OCA2: variants seen among roughly 807,000 people sequenced by gnomAD.
OCA2 encodes OCA2 melanosomal transmembrane protein, also known as P protein.
In OCA2, 77 loss-of-function variants were observed where a neutral mutation model predicts 100.2. The observed-to-expected ratio is 0.77, with a 90% confidence interval of 0.64 to 0.93. The LOEUF is 0.93. OCA2 is among the 40% of genes least tolerant of loss of function. The pLI is 0.00. For missense variants in OCA2, 1,062 were observed against 1,089.1 expected (o/e 0.98, Z 0.35); for synonymous variants, 432 against 439.2 (o/e 0.98, Z 0.21).
At chr15:27,866,296 C>G (rs147471836) in intron 21 of OCA2, among the ~76,000 whole-genome samples, 4 of 152,272 alleles carry the variant, frequency 2.6e-5, no homozygotes, top group African/African-American at 9.6e-5. Context: ...GCCCCAGCGT[C>G]GTGCTGAAGA....
chr15:28,093,614 G>A (rs1372209586), intron 1 of OCA2, among the ~76,000 whole-genome samples: 1 of 152,026 alleles, frequency 6.6e-6, no homozygotes. Flanking sequence ...ATTAATCCCA[G>A]AGAAATGAAA....
chr15:28,062,394 T>C (rs960245242), intron 2 of OCA2, among the ~76,000 whole-genome samples: 1 of 152,234 alleles, frequency 6.6e-6, no homozygotes, highest in Non-Finnish European at 1.5e-5. Context: ...TTAAATATTT[T>C]GCCTGTGGGC....
chr15:28,080,400 A>G (rs1253250162), intron 2 of OCA2, among the ~76,000 whole-genome samples: 2 of 152,266 alleles, frequency 1.3e-5, no homozygotes, highest in East Asian at 3.8e-4. Context: ...TATTAATGGT[A>G]GCATATTCAC....
the OCA2 span, among the ~76,000 whole-genome samples, chr15:27,742,180 A>G: frequency 2.0e-5 from 3 of 152,174 alleles, no homozygotes; most frequent in Admixed American, 6.5e-5. Flanking sequence ...AGGAGAGAAC[A>G]CATGCCCTGC....
chr15:27,844,459 C>T (rs1348984717), intron 23 of OCA2, among the ~76,000 whole-genome samples: 2 of 152,226 alleles, frequency 1.3e-5, no homozygotes, highest in Non-Finnish European at 2.9e-5. Flanking sequence ...CCTGACTCAA[C>T]CTGAGTCATC....
intron 18 of OCA2, among the ~76,000 whole-genome samples, chr15:27,928,770 C>T (rs1383808129): frequency 6.6e-6 from 1 of 152,192 alleles, no homozygotes; most frequent in African/African-American, 2.4e-5. Context: ...CCTGCCTCTT[C>T]TTCTGTCACA....
At chr15:28,023,929 C>T (rs1354788220) in intron 5 of OCA2, among the ~76,000 whole-genome samples, 1 of 152,172 alleles carries the variant, frequency 6.6e-6, no homozygotes, top group Non-Finnish European at 1.5e-5. Context: ...CACGAAGACA[C>T]ACAGCCACAG....
chr15:28,049,193 G>C (rs1216473810), intron 2 of OCA2, among the ~76,000 whole-genome samples: 1 of 152,076 alleles, frequency 6.6e-6, no homozygotes, highest in Non-Finnish European at 1.5e-5. Flanking sequence ...CTTCAAAGAA[G>C]ATATACAGAA....
At chr15:27,874,843 G>C (rs1198959847) in intron 19 of OCA2, among the ~76,000 whole-genome samples, 1 of 152,028 alleles carries the variant, frequency 6.6e-6, no homozygotes, top group East Asian at 1.9e-4. Flanking sequence ...AAATTGACTA[G>C]TCAAGAAAAC....
At chr15:27,869,740 T>C (rs768200746) in intron 21 of OCA2, among the ~76,000 whole-genome samples, 14 of 152,148 alleles carry the variant, frequency 9.2e-5, no homozygotes, top group Non-Finnish European at 1.8e-4. Flanking sequence ...TGTGGCCTCA[T>C]TGGCTGGGAC....
At chr15:28,075,416 T>C (rs956513721) in intron 2 of OCA2, among the ~76,000 whole-genome samples, 3 of 152,112 alleles carry the variant, frequency 2.0e-5, no homozygotes, top group African/African-American at 7.2e-5. Context: ...AAAAGTACAG[T>C]CAATATTAAG....
intron 23 of OCA2, among the ~76,000 whole-genome samples, chr15:27,802,710 A>G (rs1229347464): frequency 6.6e-6 from 1 of 152,080 alleles, no homozygotes; most frequent in African/African-American, 2.4e-5. Context: ...ACACCCAAAT[A>G]CCCCTCCCAC....
At chr15:27,850,472 A>T (rs1056022103) in intron 22 of OCA2, among the ~76,000 whole-genome samples, 56 of 152,096 alleles carry the variant, frequency 3.7e-4, no homozygotes, top group African/African-American at 1.3e-3. Flanking sequence ...GTAGCTCTGC[A>T]TTGCCTTCCC....
intron 14 of OCA2, among the ~76,000 whole-genome samples, chr15:27,970,889 A>G (rs1188440070): frequency 6.7e-6 from 1 of 150,220 alleles, no homozygotes; most frequent in Non-Finnish European, 1.5e-5. Context: ...AGAACGTGGC[A>G]GCACCCACGG....
At chr15:28,070,293 C>G (rs2044197035) in intron 2 of OCA2, among the ~76,000 whole-genome samples, 1 of 145,200 alleles carries the variant, frequency 6.9e-6, no homozygotes, top group African/African-American at 2.7e-5. Flanking sequence ...CGGCAGCCAC[C>G]CCGTCCGGGA....
At chr15:28,069,105 G>A (rs1313188788) in intron 2 of OCA2, among the ~76,000 whole-genome samples, 3 of 152,108 alleles carry the variant, frequency 2.0e-5, no homozygotes, top group African/African-American at 4.8e-5. Context: ...AGTCAGGCAA[G>A]AGGAAGAAGT....
At chr15:28,061,988 G>T (rs776428801) in intron 2 of OCA2, among the ~76,000 whole-genome samples, 1 of 152,180 alleles carries the variant, frequency 6.6e-6, no homozygotes, top group Non-Finnish European at 1.5e-5. Flanking sequence ...CAATGAGGTT[G>T]CTTCTTTCTT....
intron 19 of OCA2, among the ~76,000 whole-genome samples, chr15:27,908,717 T>C (rs2038273830): frequency 6.6e-6 from 1 of 152,202 alleles, no homozygotes; most frequent in Admixed American, 6.5e-5. Flanking sequence ...AATGAAAATG[T>C]AGCAACATGT....
At chr15:28,007,011 A>G (rs915225414) in intron 9 of OCA2, among the ~76,000 whole-genome samples, 21 of 152,358 alleles carry the variant, frequency 1.4e-4, no homozygotes, top group African/African-American at 5.0e-4. Context: ...TTTTTAAACC[A>G]AACACTACAC....
Sources: allele counts gnomAD v4.1 joint callset (sites outside exome capture counted in the v4.1 genomes callset), GRCh38; gene constraint gnomAD v4.1.1; transcripts MANE v1.5; gene names NCBI Gene and HGNC (gene_info 2026-07-23, HGNC 2026-07-21).